CAPN14: variants seen among roughly 807,000 people sequenced by gnomAD.
CAPN14 encodes calpain-14.
Under a neutral mutation model 101.3 loss-of-function variants are expected in CAPN14, and 94 were observed. The observed-to-expected ratio is 0.93, with a 90% CI of 0.79 to 1.10. The LOEUF (loss-of-function observed/expected upper bound fraction) is 1.10. Among genes scored for constraint, CAPN14 ranks in the 50% least tolerant of loss-of-function variants. CAPN14 has a pLI of 0.00. For missense variants in CAPN14, 837 were observed against 828.4 expected, an observed-to-expected ratio of 1.01 and a Z score of -0.13; for synonymous variants, 338 against 317.9, an observed-to-expected ratio of 1.06 and a Z score of -0.67.
chr2:31,197,363 A>G (rs945945902), intron 7 of CAPN14, 29 bp from the exon 8 acceptor site: 2 of 1,472,550 alleles, frequency 1.4e-6, no homozygotes, highest in African/African-American at 2.8e-5. Context: ...AGTTTAGGTG[A>G]CTGGGCTGAG....
chr2:31,229,347 A>G (rs1400447568), intron 1 of CAPN14, among the ~76,000 whole-genome samples: 1 of 152,208 alleles, frequency 6.6e-6, no homozygotes, highest in East Asian at 1.9e-4. Context: ...AGCCAGGTGT[A>G]GTTTGTCTTG....
chr2:31,223,673 C>A (rs111976715), intron 2 of CAPN14, among the ~76,000 whole-genome samples: 1 of 151,364 alleles, frequency 6.6e-6, no homozygotes, highest in South Asian at 2.1e-4. Context: ...GGACTACAGA[C>A]GCCCACCACG....
At chr2:31,214,358 C>T (rs1682538642) in intron 1 of CAPN14, among the ~76,000 whole-genome samples, 1 of 152,146 alleles carries the variant, frequency 6.6e-6, no homozygotes, top group Non-Finnish European at 1.5e-5. Context: ...TTGCTGGGGC[C>T]TGATTTAGGT....
At chr2:31,183,905 G>C (rs1229959470) in intron 16 of CAPN14, among the ~76,000 whole-genome samples, 1 of 130,572 alleles carries the variant, frequency 7.7e-6, no homozygotes, top group Non-Finnish European at 1.6e-5. Flanking sequence ...TTTTTCTTTA[G>C]AGATGGAGTC....
chr2:31,178,520 C>G lies in CAPN14; in HGVS notation c.1770G>C (p.Lys590Asn). 1 of 1,550,700 alleles carries G rather than the reference C, an allele frequency of 6.4e-7. No individual in the cohort carries two copies. The highest frequency in any genetic ancestry group is 8.7e-7 in the Non-Finnish European group (1 of 1,146,434). ...QEFRDLWKQL[K>N]LSQKVFHKQD... ...TAAGACTTGTTCTTACCTGAGAGAG[C>G]TTCAGCTGCTTCCACAGGTCCCTGA... The change falls in exon 18 of 22, where the codon AAG (lysine) becomes AAC (asparagine). Residue 590 changes from lysine to asparagine, a missense_variant. By Grantham distance (94) the Lys-to-Asn change is moderately conservative. Transcript: ENST00000403897.
At chr2:31,201,830 T>G in intron 5 of CAPN14, 32 bp downstream of exon 5, 1 of 1,545,156 alleles carries the variant, frequency 6.5e-7, no homozygotes, top group Non-Finnish European at 8.8e-7. Context: ...AAAGAAGCGA[T>G]GGGAAGGGGG....
At chr2:31,208,162 CA>C (rs565220277) in intron 1 of CAPN14, among the ~76,000 whole-genome samples, 8,837 of 149,310 alleles carry the variant, frequency 0.059, 296 homozygotes, top group African/African-American at 0.089. Flanking sequence ...TTTTTGACTC[CA>C]AAAAAAAACT....
At chr2:31,231,994 G>A (rs1027784459) in intron 1 of CAPN14, among the ~76,000 whole-genome samples, 1 of 152,196 alleles carries the variant, frequency 6.6e-6, no homozygotes, top group African/African-American at 2.4e-5. Context: ...CTCAACAAGA[G>A]ATGATCAGTT....
At chr2:31,212,324 A>C (rs1353874148) in intron 1 of CAPN14, among the ~76,000 whole-genome samples, 44 of 151,172 alleles carry the variant, frequency 2.9e-4, no homozygotes, top group African/African-American at 9.6e-4. Context: ...AAAAAAAAAA[A>C]AAACAAAAAA....
chr2:31,206,017 C>CT lies in CAPN14; in HGVS notation c.-52-519dup, dbSNP rs1467609221. Reference sequence around the variant, plus strand: ...CCTGCAAAACCTCCTCCTACATTATCTTTATTTTTTTTATTTATTTATTTT... The same window carrying CT: ...CCTGCAAAACCTCCTCCTACATTATCTTTTATTTTTTTTATTTATTTATTTT... On this transcript the variant is annotated intron_variant, in intron 1 of 21. Coordinates refer to ENST00000403897, the MANE Select transcript of CAPN14 (RefSeq NM_001145122.2). Among the ~76,000 whole-genome samples the CT allele has an allele frequency of 4.3e-4, 61 of 141,108 alleles. 2 individuals carry two copies. The highest frequency in any genetic ancestry group is 6.8e-4 in the Non-Finnish European group (44 of 64,388). 92.6% of individuals were successfully genotyped at this position (141,108 alleles called of 152,430 possible).
chr2:31,233,072 C>G (rs1242904721), intron 1 of CAPN14, among the ~76,000 whole-genome samples: 1 of 152,176 alleles, frequency 6.6e-6, no homozygotes, highest in East Asian at 1.9e-4. Flanking sequence ...ACTCACTCTC[C>G]TTAGTATGAT....
intron 2 of CAPN14, among the ~76,000 whole-genome samples, chr2:31,223,489 C>T (rs79093326): frequency 1.3e-3 from 191 of 151,896 alleles, no homozygotes; most frequent in African/African-American, 4.3e-3. Flanking sequence ...GACACCTCCC[C>T]TACTCTGCCT....
intron 2 of CAPN14, among the ~76,000 whole-genome samples, chr2:31,222,994 G>A (rs1682904732): frequency 6.6e-6 from 1 of 152,216 alleles, no homozygotes; most frequent in African/African-American, 2.4e-5. Context: ...GCCATGTGAG[G>A]ATACAACAAG....
At chr2:31,224,266 C>T (rs1682953401) in intron 2 of CAPN14, among the ~76,000 whole-genome samples, 1 of 152,136 alleles carries the variant, frequency 6.6e-6, no homozygotes, top group Non-Finnish European at 1.5e-5. Context: ...ACACTCAGTA[C>T]ATAACACACA....
rs1458037236 is a variant in CAPN14 at position 31,202,262 on chromosome 2, A to G, written c.296-10T>C. 6.5e-7 allele frequency: 1 copy of G among 1,542,284 alleles called. No homozygotes were observed. The highest frequency in any genetic ancestry group is 1.2e-5 in the South Asian group (1 of 83,878). On this transcript the variant is annotated splice_polypyrimidine_tract_variant and intron_variant, in intron 3 of 21. Transcript: ENST00000403897. Reference sequence around the variant, plus strand: ...AAGAACCAGCAGTCTCCTAAGTCAGACAGCACACAGCATCTGCATGAATCT... The same window carrying G: ...AAGAACCAGCAGTCTCCTAAGTCAGGCAGCACACAGCATCTGCATGAATCT...
At chr2:31,199,632 G>T in intron 6 of CAPN14, 100 bp from the exon 7 acceptor site, 1 of 889,292 alleles carries the variant, frequency 1.1e-6, no homozygotes, top group Non-Finnish European at 1.8e-6. Flanking sequence ...TTTATGGAGA[G>T]AAGTGTGGGA....
Position 31,173,904 on chromosome 2 carries a change from T to C in CAPN14, c.*777A>G, listed in dbSNP as rs905135078. On this transcript the variant is annotated 3_prime_UTR_variant, in exon 22 of 22. Transcript: ENST00000403897. ...ATTTAGCATGGGTTTGTTTTTGTCCTTTGAAGTAGATAGACAGAGAATTTC... is the reference window on the plus strand; with the variant it reads ...ATTTAGCATGGGTTTGTTTTTGTCCCTTGAAGTAGATAGACAGAGAATTTC... 22 of 152,198 alleles carry C rather than the reference T, an allele frequency of 1.4e-4. No homozygotes were observed. The highest frequency in any genetic ancestry group is 5.3e-4 in the African/African-American group (22 of 41,450). 9.4% of individuals were successfully genotyped at this position (152,198 alleles called of 1,614,324 possible). A position where few individuals can be genotyped will look rare whatever the true frequency, so the allele number is the denominator to read the frequency against.
At chr2:31,231,716 G>A (rs1683197845) in intron 1 of CAPN14, among the ~76,000 whole-genome samples, 1 of 152,108 alleles carries the variant, frequency 6.6e-6, no homozygotes, top group Non-Finnish European at 1.5e-5. Context: ...CTTCCATAAT[G>A]GGGCCCCTTG....
upstream of CAPN14, among the ~76,000 whole-genome samples, chr2:31,221,608 C>G (rs1009228099): frequency 2.6e-5 from 4 of 151,888 alleles, no homozygotes; most frequent in African/African-American, 7.3e-5. Flanking sequence ...ACCTATCTTT[C>G]TTGGCAGAAA....
Sources: allele counts gnomAD v4.1 joint callset (sites outside exome capture counted in the v4.1 genomes callset), GRCh38; gene constraint gnomAD v4.1.1; transcripts MANE v1.5; gene names NCBI Gene and HGNC (gene_info 2026-07-23, HGNC 2026-07-21).